The following GSE1 variants were observed in gnomAD, a reference collection of about 807,000 sequenced individuals.
GSE1 encodes the protein genetic suppressor element 1.
In GSE1, 32 loss-of-function variants were observed where a neutral mutation model predicts 112.6. The ratio of observed to expected loss-of-function variants is 0.28; its 90% confidence interval spans 0.21 to 0.38. The LOEUF (loss-of-function observed/expected upper bound fraction) is 0.38. Among genes scored for constraint, GSE1 ranks in the 10% least tolerant of loss-of-function variants. GSE1 has a pLI of 1.00. For missense variants in GSE1, 2,348 were observed against 1,699.2 expected (o/e 1.38, Z -6.71); for synonymous variants, 1,115 against 735.6 (o/e 1.52, Z -8.35).
intron 1 of GSE1, among the ~76,000 whole-genome samples, chr16:85,621,271 G>C (rs956494447): frequency 2.6e-5 from 4 of 152,340 alleles, no homozygotes; most frequent in Middle Eastern, 6.8e-3. Context: ...TCTGTGCTCT[G>C]TTGGGGAACC....
chr16:85,563,093 G>A (rs2045594575), intron 1 of GSE1, among the ~76,000 whole-genome samples: 1 of 152,156 alleles, frequency 6.6e-6, no homozygotes, highest in African/African-American at 2.4e-5. Flanking sequence ...AAATTTTGAA[G>A]CTGTAGGGGC....
chr16:85,511,745 G>A (rs1054828691), intron 2 of GSE1, among the ~76,000 whole-genome samples: 80 of 152,274 alleles, frequency 5.3e-4, no homozygotes, highest in Non-Finnish European at 7.1e-4. Context: ...GCAGGGGCTG[G>A]AGTGATGCAG....
chr16:85,583,107 C>T (rs2046521491), intron 1 of GSE1, among the ~76,000 whole-genome samples: 1 of 152,106 alleles, frequency 6.6e-6, no homozygotes, highest in South Asian at 2.1e-4. Flanking sequence ...AGGGTGGTGT[C>T]CTGGGGGTCT....
chr16:85,618,612 G>C (rs183059898), intron 1 of GSE1, among the ~76,000 whole-genome samples: 22 of 152,244 alleles, frequency 1.4e-4, no homozygotes, highest in Middle Eastern at 3.2e-3. Context: ...CAAGTGCCCA[G>C]TACAGCACCT....
chr16:85,421,426 G>A (rs1004304806), intron 2 of GSE1, among the ~76,000 whole-genome samples: 3 of 152,196 alleles, frequency 2.0e-5, no homozygotes, highest in South Asian at 2.1e-4. Context: ...GGGCTCCACC[G>A]CCTCATTCAA....
intron 1 of GSE1, among the ~76,000 whole-genome samples, chr16:85,234,273 G>A (rs1011747529): frequency 6.6e-6 from 1 of 152,102 alleles, no homozygotes; most frequent in African/African-American, 2.4e-5. Context: ...CTGGGCTACT[G>A]CCTCATTTTG....
intron 2 of GSE1, among the ~76,000 whole-genome samples, chr16:85,421,146 T>G (rs2048834594): frequency 6.6e-6 from 1 of 152,172 alleles, no homozygotes; most frequent in Admixed American, 6.5e-5. Flanking sequence ...AAGTGTGTGT[T>G]AAACCAAGAG....
intron 1 of GSE1, among the ~76,000 whole-genome samples, chr16:85,312,204 C>CGGCGGG (rs1345590811): frequency 3.6e-5 from 2 of 55,780 alleles, no homozygotes; most frequent in African/African-American, 1.2e-4. Context: ...GATCCTCTTG[C>CGGCGGG]GGGGGGGGGG....
intron 1 of GSE1, among the ~76,000 whole-genome samples, chr16:85,614,389 A>G (rs2048231759): frequency 6.7e-6 from 1 of 148,858 alleles, no homozygotes. Context: ...AGTGGAGCTC[A>G]CCCTCCCTGC....
intron 2 of GSE1, among the ~76,000 whole-genome samples, chr16:85,439,833 C>T (rs1217329502): frequency 6.6e-6 from 1 of 152,128 alleles, no homozygotes; most frequent in East Asian, 1.9e-4. Flanking sequence ...TGCATGCATG[C>T]ACACACAGAC....
intron 1 of GSE1, among the ~76,000 whole-genome samples, chr16:85,265,951 G>T (rs762187316): frequency 7.2e-5 from 11 of 152,172 alleles, no homozygotes; most frequent in Admixed American, 5.2e-4. Context: ...GGTTCTGCCC[G>T]AGAATGTTTG....
rs185138229 is a variant in GSE1, at chr16:85,408,460, T to C, written c.2464+50817T>C. Among the ~76,000 whole-genome samples, 76 of 47,700 alleles carry C rather than the reference T, an allele frequency of 1.6e-3. 26 individuals are homozygous for C. Among genetic ancestry groups the C allele is most frequent in the Middle Eastern group, 0.013 (1 of 80 alleles). The allele number at this position is 47,700 out of a possible 152,430, so 31.3% of individuals were successfully genotyped here. ...CCTCACTGTTACACTCAGGGACCCC[T>C]GGATAATCCTCACTGTTACTCTCAG... On this transcript the variant is annotated intron_variant, in intron 2 of 2. Coordinates refer to the GSE1 transcript ENST00000637419.
chr16:85,638,998 C>T (rs1261453159), intron 2 of GSE1, among the ~76,000 whole-genome samples: 1 of 152,160 alleles, frequency 6.6e-6, no homozygotes, highest in Non-Finnish European at 1.5e-5. Flanking sequence ...AGTGCCCGGG[C>T]CCCACGCAGA....
At chr16:85,423,818 C>T (rs12925658) in intron 2 of GSE1, among the ~76,000 whole-genome samples, 54,220 of 152,250 alleles carry the variant, frequency 0.36, 10,743 homozygotes, top group Admixed American at 0.44. Flanking sequence ...GCTCTCCCCA[C>T]GGTCCTGGCC....
At chr16:85,439,682 A>G (rs780361126) in intron 2 of GSE1, among the ~76,000 whole-genome samples, 1 of 152,180 alleles carries the variant, frequency 6.6e-6, no homozygotes, top group African/African-American at 2.4e-5. Context: ...ACAGACATGC[A>G]TGTGCACACA....
At chr16:85,171,207 G>A in exon 1 of GSE1, 1 of 985,666 alleles carries the variant, frequency 1.0e-6, no homozygotes, top group South Asian at 4.7e-5. Context: ...CCTCCGTGCA[G>A]GGCTTCCTGG....
intron 1 of GSE1, among the ~76,000 whole-genome samples, chr16:85,355,509 C>T (rs918257329): frequency 6.6e-5 from 10 of 152,268 alleles, no homozygotes; most frequent in South Asian, 4.2e-4. Context: ...AACAGCAGCC[C>T]GTCACCAAGA....
At chr16:85,233,218 C>G (rs1327636470) in intron 1 of GSE1, among the ~76,000 whole-genome samples, 2 of 152,264 alleles carry the variant, frequency 1.3e-5, no homozygotes, top group South Asian at 2.1e-4. Flanking sequence ...AGGTGTCTAC[C>G]CAGCCTCGTT....
Position 85,656,648 on chromosome 16 carries a change from T to C in GSE1, c.1295T>C (p.Leu432Pro), listed in dbSNP as rs1181151319. The C allele has an allele frequency of 1.3e-6, 2 of 1,527,654 alleles. No individual in the cohort carries two copies. Among genetic ancestry groups the C allele is most frequent in the Non-Finnish European group, 8.8e-7 (1 of 1,135,824 alleles). The allele number at this position is 1,527,654 out of a possible 1,614,324, so 94.6% of individuals were successfully genotyped here. ...TEERGKPSEQ[L>P]TPTRAEKLKD... ...GAGCGGGGCAAGCCCTCGGAGCAGC[T>C]GACCCCAACCCGAGCAGGTACCTGG... Residue 432 changes from leucine to proline, a missense_variant, in exon 7 of 16, where the codon CTG (leucine) becomes CCG (proline). By Grantham distance (98) the Leu-to-Pro change is moderately conservative (BLOSUM62 -3). Coordinates refer to ENST00000253458, the MANE Select transcript of GSE1 (RefSeq NM_014615.5).
Sources: allele counts gnomAD v4.1 joint callset (sites outside exome capture counted in the v4.1 genomes callset), GRCh38; gene constraint gnomAD v4.1.1; transcripts MANE v1.5; gene names NCBI Gene and HGNC (gene_info 2026-07-23, HGNC 2026-07-21).